The following FRMD3 variants were observed in gnomAD, a reference collection of about 807,000 sequenced individuals.
FRMD3 encodes FERM domain containing 3.
In FRMD3, 33 loss-of-function variants were observed where a neutral mutation model predicts 70.2. The observed-to-expected ratio is 0.47, with a 90% CI of 0.36 to 0.63. The LOEUF (loss-of-function observed/expected upper bound fraction) is 0.63. Among genes scored for constraint, FRMD3 ranks in the 20% least tolerant of loss-of-function variants. FRMD3 has a pLI of 0.00. For synonymous variants in FRMD3, 279 were observed against 255.9 expected (o/e 1.09, Z -0.86); for missense variants, 632 against 711.4 (o/e 0.89, Z 1.27).
At chr9:83,271,093 A>G (rs1833533547) in intron 13 of FRMD3, among the ~76,000 whole-genome samples, 2 of 152,210 alleles carry the variant, frequency 1.3e-5, no homozygotes, top group Admixed American at 6.5e-5. Context: ...GGGTGTTTAC[A>G]TGACTGGGTT....
chr9:83,325,083 T>G (rs924655467), intron 6 of FRMD3, among the ~76,000 whole-genome samples: 12 of 152,222 alleles, frequency 7.9e-5, no homozygotes, highest in Non-Finnish European at 4.4e-5. Context: ...ATACTACATC[T>G]TCTCATTGAT....
chr9:83,537,530 C>T lies in FRMD3; in HGVS notation c.147+555G>A, dbSNP rs2131566747. ...CCTCTCTCACTCTGGGGAAACTTCGCCACCGCCCCACGCGGAGAACTAAAG... is the reference window on the plus strand; with the variant it reads ...CCTCTCTCACTCTGGGGAAACTTCGTCACCGCCCCACGCGGAGAACTAAAG... On this transcript the variant is annotated intron_variant, in intron 1 of 13. Transcript: ENST00000304195. The surrounding 1 kb of genome is among the most constrained non-coding windows in gnomAD (Gnocchi z 4.1). Among the ~76,000 whole-genome samples the T allele has an allele frequency of 6.6e-6, 1 of 152,366 alleles. No homozygotes were observed. The highest frequency in any genetic ancestry group is 6.5e-5 in the Admixed American group (1 of 15,310).
intron 1 of FRMD3, among the ~76,000 whole-genome samples, chr9:83,421,020 A>C (rs1826623671): frequency 7.2e-6 from 1 of 138,428 alleles, no homozygotes; most frequent in Admixed American, 8.0e-5. Flanking sequence ...GGCTCACTGC[A>C]AGCTCCGCCT....
the FRMD3 span, among the ~76,000 whole-genome samples, chr9:83,584,484 C>T: frequency 6.6e-6 from 1 of 152,024 alleles, no homozygotes; most frequent in Admixed American, 6.6e-5. Flanking sequence ...CTTTCATCCC[C>T]GTTAATTTTA....
chr9:83,455,536 G>A (rs767138183), intron 1 of FRMD3, among the ~76,000 whole-genome samples: 14 of 151,970 alleles, frequency 9.2e-5, no homozygotes, highest in African/African-American at 1.9e-4. Flanking sequence ...TTTGCCTCCC[G>A]CAATGATTCT....
chr9:83,567,368 G>A, the FRMD3 span, among the ~76,000 whole-genome samples: 2 of 152,164 alleles, frequency 1.3e-5, no homozygotes, highest in Non-Finnish European at 2.9e-5. Context: ...GCCTGTGCTG[G>A]GAGGGACTGC....
At chr9:83,249,918 G>A (rs1380378420) in intron 13 of FRMD3, among the ~76,000 whole-genome samples, 1 of 152,068 alleles carries the variant, frequency 6.6e-6, no homozygotes, top group Non-Finnish European at 1.5e-5. Flanking sequence ...CAAACATAAA[G>A]TTATCAGATG....
At chr9:83,309,674 A>G in intron 9 of FRMD3, 50 bp from the exon 10 acceptor site, 4 of 1,212,034 alleles carry the variant, frequency 3.3e-6, no homozygotes, top group Non-Finnish European at 4.7e-6. Context: ...TACCATTTAC[A>G]TTTTCCATGG....
chr9:83,550,553 G>T, the FRMD3 span, among the ~76,000 whole-genome samples: 1 of 152,030 alleles, frequency 6.6e-6, no homozygotes, highest in Non-Finnish European at 1.5e-5. Flanking sequence ...CCATTTTAAT[G>T]ATGTTGATTT....
At chr9:83,334,695 C>T (rs1434177073) in intron 6 of FRMD3, among the ~76,000 whole-genome samples, 1 of 152,040 alleles carries the variant, frequency 6.6e-6, no homozygotes, top group African/African-American at 2.4e-5. Flanking sequence ...TACCTAAATT[C>T]CAAGTTGGCA....
At chr9:83,272,632 CCCGG>C in intron 13 of FRMD3, among the ~76,000 whole-genome samples, 1 of 98,746 alleles carries the variant, frequency 1.0e-5, no homozygotes, top group Non-Finnish European at 2.1e-5. Context: ...AGCGCCTCTG[CCCGG>C]CTGCCCAGTC....
intron 1 of FRMD3, among the ~76,000 whole-genome samples, chr9:83,511,020 G>C (rs965008166): frequency 3.9e-5 from 6 of 152,132 alleles, no homozygotes; most frequent in Non-Finnish European, 7.3e-5. Context: ...ACGTGTATTA[G>C]ATCCCAATAA....
At chr9:83,491,673 C>T (rs1404709805) in intron 1 of FRMD3, among the ~76,000 whole-genome samples, 3 of 152,176 alleles carry the variant, frequency 2.0e-5, no homozygotes, top group East Asian at 1.9e-4. Context: ...AGGGCCAGCA[C>T]GATGGAAAAA....
At chr9:83,312,085 T>C in intron 7 of FRMD3, 110 bp from the exon 8 acceptor site, 1 of 765,186 alleles carries the variant, frequency 1.3e-6, no homozygotes, top group Non-Finnish European at 2.1e-6. Context: ...TTTAGACTAA[T>C]CCCAATGATT....
At chr9:83,331,529 A>G (rs544450973) in intron 6 of FRMD3, among the ~76,000 whole-genome samples, 2 of 152,312 alleles carry the variant, frequency 1.3e-5, no homozygotes, top group African/African-American at 4.8e-5. Context: ...ATGATACTAT[A>G]CATTCATCAA....
intron 1 of FRMD3, among the ~76,000 whole-genome samples, chr9:83,461,614 A>T (rs538827202): frequency 4.0e-5 from 6 of 148,426 alleles, no homozygotes; most frequent in African/African-American, 1.5e-4. Flanking sequence ...TATTCAGGGA[A>T]GTTCAAGGCA....
chr9:83,532,719 T>C (rs1829814342), intron 1 of FRMD3, among the ~76,000 whole-genome samples: 1 of 152,182 alleles, frequency 6.6e-6, no homozygotes, highest in African/African-American at 2.4e-5. Context: ...GATGCATATA[T>C]TCCTAGACAC....
chr9:83,536,403 A>C (rs1374644505), intron 1 of FRMD3, among the ~76,000 whole-genome samples: 4 of 152,164 alleles, frequency 2.6e-5, no homozygotes, highest in African/African-American at 9.7e-5. Context: ...GGGCTGAGAG[A>C]CAGAGGAGAA....
chr9:83,447,924 T>C (rs1479212512), intron 1 of FRMD3, among the ~76,000 whole-genome samples: 3 of 152,156 alleles, frequency 2.0e-5, no homozygotes, highest in African/African-American at 7.2e-5. Context: ...TTAAATGAGA[T>C]ATTATTTATT....
Sources: gnomAD v4.1 joint callset for allele counts (sites outside exome capture counted in the v4.1 genomes callset) on GRCh38, gnomAD v4.1.1 for gene constraint, Gnocchi (gnomAD v3.1) non-coding constraint, MANE v1.5 for transcripts, NCBI Gene and HGNC (gene_info 2026-07-23, HGNC 2026-07-21) for gene names.